SCEL: variants seen among roughly 807,000 people sequenced by gnomAD.
SCEL encodes sciellin.
In SCEL, 113 loss-of-function variants were observed where a neutral mutation model predicts 117.6. That is an observed-to-expected ratio of 0.96 (90% CI 0.83 to 1.12). SCEL has a LOEUF of 1.12. Ranked by LOEUF, SCEL falls within the 50% of genes most tolerant of loss-of-function variation. The probability of loss-of-function intolerance (pLI) is 0.00; values close to 1 mark genes in which losing one functional copy is unlikely to be tolerated. For missense variants in SCEL, 785 were observed against 810.8 expected, an observed-to-expected ratio of 0.97 and a Z score of 0.39; for synonymous variants, 270 against 256.2, an observed-to-expected ratio of 1.05 and a Z score of -0.51.
Position 77,637,129 on chromosome 13 carries a change from C to G in SCEL, c.1773C>G (p.Pro591=), listed in dbSNP as rs779478531. ...TATATTTTGTTCCTAGTAAATCACC[C>G]AAGGATGGATATCAGGAGAATATCT... The part of the protein sequence containing the change: ...TRTYVENSKS[P]KDGYQENISG... Residue 591 remains proline (P), a synonymous_variant, in exon 30 of 33, where the codon CCC becomes CCG. Transcript: ENST00000349847. 8.4e-6 allele frequency: 13 copies of G among 1,542,072 alleles called. No homozygotes were observed. The South Asian group carries it at 1.6e-4, about 18-fold the overall frequency.
chr13:77,621,793 A>G (rs1040251072), intron 27 of SCEL, among the ~76,000 whole-genome samples: 21 of 152,324 alleles, frequency 1.4e-4, no homozygotes, highest in African/African-American at 4.6e-4. Flanking sequence ...CAAGATGAAA[A>G]GAATCAGATT....
chr13:77,557,175 C>T (rs1224152745), intron 3 of SCEL, among the ~76,000 whole-genome samples: 1 of 152,132 alleles, frequency 6.6e-6, no homozygotes, highest in African/African-American at 2.4e-5. Flanking sequence ...ATTTTAGTTC[C>T]ATCTACTTCT....
At chr13:77,556,105 AT>A (rs1177723192) in intron 2 of SCEL, among the ~76,000 whole-genome samples, 187 bp downstream of exon 2, 2 of 152,214 alleles carry the variant, frequency 1.3e-5, no homozygotes, top group Admixed American at 1.3e-4. Context: ...TTGGAATTCA[AT>A]TTTTTTAAAA....
chr13:77,580,063 G>A (rs973049110), intron 9 of SCEL, among the ~76,000 whole-genome samples: 2 of 152,182 alleles, frequency 1.3e-5, no homozygotes, highest in East Asian at 1.9e-4. Flanking sequence ...GACACTGTGT[G>A]CAGATATCCA....
At chr13:77,589,467 T>C (rs1397327301) in intron 10 of SCEL, among the ~76,000 whole-genome samples, 4 of 152,240 alleles carry the variant, frequency 2.6e-5, no homozygotes, top group African/African-American at 9.6e-5. Flanking sequence ...GGAACAATAT[T>C]CATGTTCAGA....
chr13:77,619,556 G>A (rs1163513359), intron 27 of SCEL, among the ~76,000 whole-genome samples: 1 of 152,088 alleles, frequency 6.6e-6, no homozygotes, highest in Non-Finnish European at 1.5e-5. Context: ...CACAGTTAAA[G>A]GAGTATGATC....
chr13:77,579,284 C>T (rs2086134546), intron 9 of SCEL, among the ~76,000 whole-genome samples: 1 of 152,214 alleles, frequency 6.6e-6, no homozygotes, highest in South Asian at 2.1e-4. Flanking sequence ...GCAGTGTACT[C>T]ATCAACTAAA....
At chr13:77,612,461 T>C (rs941973269) in intron 22 of SCEL, among the ~76,000 whole-genome samples, 6 of 29,184 alleles carry the variant, frequency 2.1e-4, no homozygotes, top group South Asian at 8.5e-4. Context: ...CTTTTCTTTT[T>C]TTTTTTTTTT....
intron 4 of SCEL, among the ~76,000 whole-genome samples, chr13:77,561,217 A>AAGAAC (rs1486159400): frequency 2.6e-5 from 4 of 152,240 alleles, no homozygotes; most frequent in African/African-American, 9.6e-5. Flanking sequence ...TGGAACATTT[A>AAGAAC]AGAACAGAAA....
chr13:77,587,941 C>T (rs1420100144), intron 9 of SCEL, among the ~76,000 whole-genome samples: 1 of 152,142 alleles, frequency 6.6e-6, no homozygotes, highest in African/African-American at 2.4e-5. Context: ...TCCAGATAGC[C>T]TCATGGCTTA....
At chr13:77,554,462 A>G (rs929695791) in intron 1 of SCEL, among the ~76,000 whole-genome samples, 1 of 152,192 alleles carries the variant, frequency 6.6e-6, no homozygotes, top group Non-Finnish European at 1.5e-5. Flanking sequence ...GACCCCAAGG[A>G]AAATAATACG....
chr13:77,560,860 A>G (rs1291083799), intron 4 of SCEL, among the ~76,000 whole-genome samples: 1 of 152,144 alleles, frequency 6.6e-6, no homozygotes, highest in African/African-American at 2.4e-5. Flanking sequence ...AATGTCTTCT[A>G]TGGTGTGGAT....
At chr13:77,563,953 T>C in intron 5 of SCEL, 54 bp downstream of exon 5, 1 of 1,206,498 alleles carries the variant, frequency 8.3e-7, no homozygotes, top group East Asian at 2.6e-5. Context: ...AAATACATTT[T>C]CTAATAAAGT....
chr13:77,593,771 C>T lies in SCEL; in HGVS notation c.752+198C>T, dbSNP rs117110195. 3.7e-3 allele frequency among the ~76,000 whole-genome samples: 558 copies of T among 152,286 alleles called. 12 individuals carry two copies. In the East Asian group the frequency reaches 0.084, roughly 23 times the overall value. ...GGTGCCAACATTTATGGACACTCTT[C>T]CAACTCTGCTGCTTTTTCTGGCAAT... On this transcript the variant is annotated intron_variant, in intron 12 of 32. Transcript: ENST00000349847.
chr13:77,619,655 A>G (rs2089301392), intron 27 of SCEL, among the ~76,000 whole-genome samples: 1 of 152,222 alleles, frequency 6.6e-6, no homozygotes, highest in Non-Finnish European at 1.5e-5. Context: ...AGCTGAAATA[A>G]CAGTGGACCC....
chr13:77,617,469 A>G (rs972967618), intron 24 of SCEL, 130 bp from the exon 25 acceptor site: 3 of 574,276 alleles, frequency 5.2e-6, no homozygotes, highest in African/African-American at 1.9e-5. Flanking sequence ...TTGGTTAGAA[A>G]ACGTATTTCA....
intron 1 of SCEL, among the ~76,000 whole-genome samples, chr13:77,553,619 G>A (rs554864551): frequency 3.7e-4 from 57 of 152,048 alleles, no homozygotes; most frequent in Non-Finnish European, 4.1e-4. Flanking sequence ...CCAGCCAGGG[G>A]ATCCCTGACA....
intron 1 of SCEL, among the ~76,000 whole-genome samples, chr13:77,545,595 T>G (rs925523356): frequency 6.6e-6 from 1 of 152,244 alleles, no homozygotes; most frequent in Non-Finnish European, 1.5e-5. Flanking sequence ...CAGTAAAATG[T>G]CTGCGGAAGT....
intron 19 of SCEL, 94 bp from the exon 20 acceptor site, chr13:77,607,962 C>A: frequency 1.0e-6 from 1 of 966,706 alleles, no homozygotes; most frequent in Non-Finnish European, 1.6e-6. Context: ...GTTTACACTG[C>A]TTCTGAGTTT....
Sources: allele counts gnomAD v4.1 joint callset (sites outside exome capture counted in the v4.1 genomes callset), GRCh38; gene constraint gnomAD v4.1.1; transcripts MANE v1.5; gene names NCBI Gene and HGNC (gene_info 2026-07-23, HGNC 2026-07-21).